RSU1: variants seen among roughly 807,000 people sequenced by gnomAD.
The protein encoded by RSU1 is rsu-1.
RSU1 carries 26 observed loss-of-function variants against 31.1 expected under a neutral mutation model. That is an observed-to-expected ratio of 0.84 (90% CI 0.61 to 1.16). RSU1 has a LOEUF of 1.16. RSU1 is among the 50% of genes most tolerant of loss of function. RSU1 has a pLI of 0.00. For missense variants in RSU1, 320 were observed against 339.1 expected (o/e 0.94, Z 0.44); for synonymous variants, 164 against 136.3 (o/e 1.20, Z -1.41).
chr10:16,722,801 CAT>C (rs1411908169), intron 7 of RSU1, among the ~76,000 whole-genome samples: 1 of 150,566 alleles, frequency 6.6e-6, no homozygotes, highest in Non-Finnish European at 1.5e-5. Context: ...TGTCTATATA[CAT>C]ATATACACAT....
At chr10:16,644,057 G>A (rs1834492296) in intron 8 of RSU1, among the ~76,000 whole-genome samples, 1 of 151,638 alleles carries the variant, frequency 6.6e-6, no homozygotes, top group South Asian at 2.1e-4. Flanking sequence ...TTATTTCAGG[G>A]ACTTAAGCAT....
intron 2 of RSU1, among the ~76,000 whole-genome samples, chr10:16,815,043 G>A (rs1203558738): frequency 1.3e-5 from 2 of 152,218 alleles, no homozygotes; most frequent in Admixed American, 6.5e-5. Flanking sequence ...CAAGGTTCCC[G>A]CTATGCATCA....
chr10:16,658,757 T>C (rs955576759), intron 8 of RSU1, among the ~76,000 whole-genome samples: 8 of 152,088 alleles, frequency 5.3e-5, no homozygotes, highest in Admixed American at 1.3e-4. Flanking sequence ...ATTTTGGTGC[T>C]CGTTAAGAAG....
At chr10:16,681,732 G>A (rs1056940317) in intron 8 of RSU1, among the ~76,000 whole-genome samples, 1 of 152,048 alleles carries the variant, frequency 6.6e-6, no homozygotes, top group East Asian at 1.9e-4. Context: ...TGAGAAAACT[G>A]ACACTAGAAG....
chr10:16,630,086 T>C (rs1834224220), intron 8 of RSU1, among the ~76,000 whole-genome samples: 1 of 152,184 alleles, frequency 6.6e-6, no homozygotes, highest in Non-Finnish European at 1.5e-5. Flanking sequence ...TTTTTATTTT[T>C]TGAAAGGCGG....
At chr10:16,602,925 C>T (rs1052901085) in intron 8 of RSU1, among the ~76,000 whole-genome samples, 4 of 152,152 alleles carry the variant, frequency 2.6e-5, no homozygotes, top group African/African-American at 9.7e-5. Context: ...TCCTAGCCGG[C>T]GGCTATCAGG....
intron 8 of RSU1, among the ~76,000 whole-genome samples, chr10:16,608,695 G>A (rs1564284599): frequency 6.6e-6 from 1 of 152,036 alleles, no homozygotes; most frequent in Non-Finnish European, 1.5e-5. Flanking sequence ...AACAGGAGAT[G>A]AGACTTTGAA....
rs565914804 is a variant in RSU1 at position 16,655,324 on chromosome 10, A to G, written c.731+39699T>C. ...AAATAAAGTAAAAGACAAAAGGGCA[A>G]TGCTTAAGAGCACGGGCTTGGGACT... On this transcript the variant is annotated intron_variant, in intron 8 of 8. Transcript: ENST00000345264. Among the ~76,000 whole-genome samples, 6 of 152,290 alleles carry G rather than the reference A, an allele frequency of 3.9e-5. No homozygotes were observed. In the South Asian group the frequency reaches 1.2e-3, roughly 32 times the overall value.
chr10:16,670,279 A>G lies in RSU1; in HGVS notation c.731+24744T>C, dbSNP rs183530418. 4.9e-3 allele frequency among the ~76,000 whole-genome samples: 746 copies of G among 152,350 alleles called. 1 individual carries two copies. Among genetic ancestry groups the G allele is most frequent in the Non-Finnish European group, 8.3e-3 (566 of 68,034 alleles). On this transcript the variant is annotated intron_variant, in intron 8 of 8. Coordinates refer to ENST00000345264, the MANE Select transcript of RSU1 (RefSeq NM_012425.4). ...AAAGAGATAGATTTCGACAGTGTTC[A>G]CTGAGCTTGCTACATAATCGTACAT... is the stretch of plus-strand genomic sequence containing the variant.
intron 8 of RSU1, among the ~76,000 whole-genome samples, chr10:16,660,171 G>C (rs1008294090): frequency 2.6e-5 from 4 of 152,216 alleles, no homozygotes; most frequent in African/African-American, 9.6e-5. Flanking sequence ...CCAAGGTAAA[G>C]AGCACATTTG....
At chr10:16,779,108 A>G (rs1346569813) in intron 3 of RSU1, among the ~76,000 whole-genome samples, 1 of 152,186 alleles carries the variant, frequency 6.6e-6, no homozygotes, top group African/African-American at 2.4e-5. Flanking sequence ...CATCATGCAT[A>G]TATACATATC....
chr10:16,689,002 TG>T (rs1337974326), intron 8 of RSU1, among the ~76,000 whole-genome samples: 1 of 148,362 alleles, frequency 6.7e-6, no homozygotes, highest in Non-Finnish European at 1.5e-5. Flanking sequence ...AGTGATACTG[TG>T]TCCCTAAGGA....
chr10:16,760,341 C>T (rs1483584012), intron 4 of RSU1, among the ~76,000 whole-genome samples: 1 of 151,974 alleles, frequency 6.6e-6, no homozygotes, highest in African/African-American at 2.4e-5. Flanking sequence ...GAAACGCCAT[C>T]TCTACTAAAA....
At chr10:16,604,401 C>T (rs531767920) in intron 8 of RSU1, among the ~76,000 whole-genome samples, 3 of 152,224 alleles carry the variant, frequency 2.0e-5, no homozygotes, top group Admixed American at 6.5e-5. Context: ...TAGGGACCAG[C>T]GGCTGTGAGT....
rs1217009957 is a variant in RSU1 at position 16,645,887 on chromosome 10, C to T, written c.731+49136G>A. Among the ~76,000 whole-genome samples, 52 of 95,546 alleles carry T rather than the reference C, an allele frequency of 5.4e-4. 10 individuals are homozygous for T. The highest frequency in any genetic ancestry group is 3.1e-3 in the African/African-American group (50 of 16,148). 62.7% of individuals were successfully genotyped at this position (95,546 alleles called of 152,430 possible). On this transcript the variant is annotated intron_variant, in intron 8 of 8. Transcript: ENST00000345264. ...GTATATATACATATATGTGTATATA[C>T]ATATATGTATATACACATATATGTA...
chr10:16,774,547 G>A (rs2131640055), intron 3 of RSU1, among the ~76,000 whole-genome samples: 1 of 152,300 alleles, frequency 6.6e-6, no homozygotes, highest in East Asian at 1.9e-4. Flanking sequence ...TCCAACCTGG[G>A]TGACAGAGTG....
At chr10:16,750,433 T>A (rs776707343) in intron 7 of RSU1, among the ~76,000 whole-genome samples, 1 of 152,176 alleles carries the variant, frequency 6.6e-6, no homozygotes, top group African/African-American at 2.4e-5. Context: ...GATTTGTTAA[T>A]GGAAAGCCTT....
chr10:16,683,925 ATT>A (rs750576747), intron 8 of RSU1, among the ~76,000 whole-genome samples: 56 of 152,306 alleles, frequency 3.7e-4, no homozygotes, highest in Non-Finnish European at 6.0e-4. Context: ...CTGGTTGACA[ATT>A]GGTTGAGTTT....
At chr10:16,618,740 A>ATTT (rs1834021771) in intron 8 of RSU1, among the ~76,000 whole-genome samples, 11 of 152,196 alleles carry the variant, frequency 7.2e-5, no homozygotes, top group Non-Finnish European at 1.2e-4. Flanking sequence ...AGAAAACCAG[A>ATTT]CACCACATGC....
Sources: gnomAD v4.1 joint callset for allele counts (sites outside exome capture counted in the v4.1 genomes callset) on GRCh38, gnomAD v4.1.1 for gene constraint, MANE v1.5 for transcripts, NCBI Gene and HGNC (gene_info 2026-07-23, HGNC 2026-07-21) for gene names.